SLCO5A1: variants seen among roughly 807,000 people sequenced by gnomAD.
SLCO5A1 encodes solute carrier organic anion transporter family member 5A1.
SLCO5A1 carries 39 observed loss-of-function variants against 65.1 expected under a neutral mutation model. The observed-to-expected ratio is 0.60, with a 90% CI of 0.46 to 0.78. SLCO5A1 has a LOEUF of 0.78. SLCO5A1 is among the 30% of genes least tolerant of loss of function. The pLI, the probability that SLCO5A1 is intolerant of heterozygous loss-of-function variation, is 0.00. For synonymous variants in SLCO5A1, 438 were observed against 415.7 expected (o/e 1.05, Z -0.65); for missense variants, 1,029 against 1,069.4 (o/e 0.96, Z 0.53).
chr8:69,760,124 C>T (rs560074551), intron 3 of SLCO5A1, among the ~76,000 whole-genome samples: 130 of 152,314 alleles, frequency 8.5e-4, no homozygotes, highest in African/African-American at 3.0e-3. Flanking sequence ...TTAAGGACCT[C>T]TAAATAGAAC....
chr8:69,796,742 A>G (rs1819517662), intron 2 of SLCO5A1, among the ~76,000 whole-genome samples: 1 of 151,870 alleles, frequency 6.6e-6, no homozygotes, highest in South Asian at 2.1e-4. Context: ...GCTCATACAT[A>G]TGAGCATAAA....
intron 5 of SLCO5A1, among the ~76,000 whole-genome samples, chr8:69,714,378 G>A (rs1348949571): frequency 6.6e-6 from 1 of 152,218 alleles, no homozygotes; most frequent in Non-Finnish European, 1.5e-5. Context: ...AGCATTTGTT[G>A]CAGTCAAAGC....
At chr8:69,697,886 T>A (rs758362065) in intron 6 of SLCO5A1, among the ~76,000 whole-genome samples, 1 of 152,182 alleles carries the variant, frequency 6.6e-6, no homozygotes, top group Non-Finnish European at 1.5e-5. Context: ...TATTTTAGGT[T>A]CAGGAGTACA....
chr8:69,744,625 C>G (rs527682773), intron 4 of SLCO5A1, among the ~76,000 whole-genome samples: 1 of 152,324 alleles, frequency 6.6e-6, no homozygotes, highest in East Asian at 1.9e-4. Flanking sequence ...CTTGGGGTAT[C>G]TGTACATCTT....
intron 6 of SLCO5A1, among the ~76,000 whole-genome samples, chr8:69,699,121 G>A (rs1159237786): frequency 1.3e-5 from 2 of 152,180 alleles, no homozygotes; most frequent in East Asian, 1.9e-4. Context: ...GAAAGATATA[G>A]TCCATCTACG....
At chr8:69,783,091 C>T (rs189566575) in intron 2 of SLCO5A1, among the ~76,000 whole-genome samples, 5 of 152,178 alleles carry the variant, frequency 3.3e-5, no homozygotes, top group African/African-American at 1.2e-4. Flanking sequence ...ACACTAAATG[C>T]TCATCAATGT....
At chr8:69,790,572 T>C (rs1045581371) in intron 2 of SLCO5A1, among the ~76,000 whole-genome samples, 2 of 151,976 alleles carry the variant, frequency 1.3e-5, no homozygotes, top group African/African-American at 4.8e-5. Context: ...CCCAGGAGTG[T>C]GAGGCTGCAG....
chr8:69,771,435 G>A (rs1427329410), intron 2 of SLCO5A1, among the ~76,000 whole-genome samples: 1 of 152,074 alleles, frequency 6.6e-6, no homozygotes, highest in East Asian at 1.9e-4. Context: ...AGTGCTGTTT[G>A]TATTAGGCTA....
At chr8:69,746,367 G>C (rs945979398) in intron 4 of SLCO5A1, among the ~76,000 whole-genome samples, 3 of 151,960 alleles carry the variant, frequency 2.0e-5, no homozygotes, top group Non-Finnish European at 4.4e-5. Context: ...TTATATAAAA[G>C]TACATTTTGA....
intron 2 of SLCO5A1, among the ~76,000 whole-genome samples, chr8:69,818,920 C>T (rs908889327): frequency 2.0e-5 from 3 of 152,190 alleles, no homozygotes; most frequent in African/African-American, 7.2e-5. Context: ...CTGGAATCAA[C>T]CCCTCAAATC....
At chr8:69,718,856 A>T (rs1815688780) in intron 5 of SLCO5A1, among the ~76,000 whole-genome samples, 1 of 152,198 alleles carries the variant, frequency 6.6e-6, no homozygotes, top group Admixed American at 6.5e-5. Flanking sequence ...GAATGTTAGA[A>T]GGTAAAAAAT....
At chr8:69,731,067 G>A (rs1397122775) in intron 5 of SLCO5A1, among the ~76,000 whole-genome samples, 2 of 151,500 alleles carry the variant, frequency 1.3e-5, no homozygotes, top group East Asian at 1.9e-4. Context: ...GCACAATCTC[G>A]GCTCACTACA....
chr8:69,705,104 A>C lies in SLCO5A1; in HGVS notation c.1549T>G (p.Cys517Gly). Residue 517 changes from cysteine to glycine, a missense_variant, in exon 6 of 10, where the codon TGT (cysteine) becomes GGT (glycine). Coordinates refer to ENST00000260126, the MANE Select transcript of SLCO5A1 (RefSeq NM_030958.3). ...AMICSGVSLL[C>G]FSTLFIVGCE... is the part of the protein sequence containing the mutation. ...CCAACAATAAATAGGGTTGAAAAACATAGTAAAGACACACCACTGCAGATC... is the reference window on the plus strand; with the variant it reads ...CCAACAATAAATAGGGTTGAAAAACCTAGTAAAGACACACCACTGCAGATC... The C allele has an allele frequency of 6.2e-7, 1 of 1,614,230 alleles. No individual in the cohort carries two copies. The highest frequency in any genetic ancestry group is 2.2e-5 in the East Asian group (1 of 44,888).
chr8:69,680,975 C>G (rs934793845), intron 7 of SLCO5A1, among the ~76,000 whole-genome samples: 15 of 152,150 alleles, frequency 9.9e-5, no homozygotes, highest in Non-Finnish European at 1.9e-4. Context: ...GTTTGGCTGT[C>G]ATGCTCAAAA....
intron 2 of SLCO5A1, among the ~76,000 whole-genome samples, chr8:69,786,839 AC>A (rs1435465101): frequency 6.6e-6 from 1 of 152,236 alleles, no homozygotes; most frequent in Non-Finnish European, 1.5e-5. Flanking sequence ...TACTTTGACT[AC>A]TTAAACAGCC....
intron 2 of SLCO5A1, among the ~76,000 whole-genome samples, chr8:69,829,200 G>C (rs1229031805): frequency 1.3e-5 from 2 of 152,172 alleles, no homozygotes; most frequent in Non-Finnish European, 1.5e-5. Context: ...CATTACCTCT[G>C]ACATAGTCAG....
chr8:69,764,701 C>T (rs983243615), intron 2 of SLCO5A1, among the ~76,000 whole-genome samples: 11 of 152,140 alleles, frequency 7.2e-5, no homozygotes, highest in African/African-American at 2.7e-4. Context: ...TAGGTATTCC[C>T]ATACGCATAT....
At position 69,669,465 on chromosome 8, in the gene SLCO5A1, A is replaced by T. The variant is rs1365712309; in HGVS notation, c.*3404T>A. On this transcript the variant is annotated 3_prime_UTR_variant, in exon 10 of 10. Coordinates refer to ENST00000260126, the MANE Select transcript of SLCO5A1 (RefSeq NM_030958.3). The stretch of plus-strand genomic sequence containing the variant: ...AATCCTGACTTTACCATTCTGTATG[A>T]TCCTAAATGAGTTATTTTACTTCTC... The T allele has an allele frequency of 6.6e-6, 1 of 152,172 alleles. No individual in the cohort carries two copies. The highest frequency in any genetic ancestry group is 1.5e-5 in the Non-Finnish European group (1 of 68,032). The allele number at this position is 152,172 out of a possible 1,614,324, so 9.4% of individuals were successfully genotyped here. A position where few individuals can be genotyped will look rare whatever the true frequency, so the allele number is the denominator to read the frequency against.
At chr8:69,704,597 G>A (rs960650517) in intron 6 of SLCO5A1, among the ~76,000 whole-genome samples, 2 of 152,192 alleles carry the variant, frequency 1.3e-5, no homozygotes, top group African/African-American at 4.8e-5. Flanking sequence ...GGGGTTACCT[G>A]TTTCATCTTT....
Sources: gnomAD v4.1 joint callset for allele counts (sites outside exome capture counted in the v4.1 genomes callset) on GRCh38, gnomAD v4.1.1 for gene constraint, MANE v1.5 for transcripts, NCBI Gene and HGNC (gene_info 2026-07-23, HGNC 2026-07-21) for gene names.